Variants in FBXO11 observed in about 807,000 individuals in gnomAD.
FBXO11 encodes the protein F-box protein 11.
FBXO11 carries 13 observed loss-of-function variants against 117.0 expected under a neutral mutation model. The observed-to-expected ratio is 0.11, with a 90% CI of 0.07 to 0.18. The LOEUF (loss-of-function observed/expected upper bound fraction) is 0.18. Ranked by LOEUF, FBXO11 falls within the 10% of genes least tolerant of loss-of-function variation. The pLI, the probability that FBXO11 is intolerant of heterozygous loss-of-function variation, is 1.00. For missense variants in FBXO11, 767 were observed against 1,164.4 expected, an observed-to-expected ratio of 0.66 and a Z score of 4.97; for synonymous variants, 490 against 380.5, an observed-to-expected ratio of 1.29 and a Z score of -3.35.
intron 1 of FBXO11, among the ~76,000 whole-genome samples, chr2:47,877,375 C>G (rs1223809071): frequency 6.6e-6 from 1 of 152,080 alleles, no homozygotes; most frequent in Middle Eastern, 3.2e-3. Flanking sequence ...ATTCCCACTC[C>G]TGCAAAAAAG....
chr2:47,901,044 C>CAT (rs1184225292), intron 1 of FBXO11, among the ~76,000 whole-genome samples: 7 of 128,352 alleles, frequency 5.5e-5, no homozygotes, highest in African/African-American at 1.4e-4. Flanking sequence ...CACGTGTGTA[C>CAT]ATATATACAC....
At chr2:47,845,501 C>A (rs1256912647) in intron 1 of FBXO11, among the ~76,000 whole-genome samples, 2 of 152,128 alleles carry the variant, frequency 1.3e-5, no homozygotes, top group East Asian at 1.9e-4. Flanking sequence ...AAAAAGGGAT[C>A]ATTCTGGGAA....
intron 1 of FBXO11, among the ~76,000 whole-genome samples, chr2:47,892,652 A>C (rs1485578628): frequency 6.6e-6 from 1 of 152,234 alleles, no homozygotes; most frequent in Non-Finnish European, 1.5e-5. Flanking sequence ...TGAGGAAACA[A>C]AATGTTGTTT....
chr2:47,836,823 G>T (rs1198999596), intron 4 of FBXO11, among the ~76,000 whole-genome samples: 1 of 151,942 alleles, frequency 6.6e-6, no homozygotes, highest in Non-Finnish European at 1.5e-5. Flanking sequence ...CACTCCCGTT[G>T]CCCACACTGG....
At chr2:47,865,014 AT>A (rs1675087343) in intron 1 of FBXO11, among the ~76,000 whole-genome samples, 1 of 152,182 alleles carries the variant, frequency 6.6e-6, no homozygotes, top group Non-Finnish European at 1.5e-5. Flanking sequence ...ATAGAGTAAA[AT>A]TTTCTTAAAC....
intron 1 of FBXO11, among the ~76,000 whole-genome samples, chr2:47,844,431 C>T (rs78566785): frequency 0.016 from 2,417 of 152,226 alleles, 69 homozygotes; most frequent in African/African-American, 0.055. Flanking sequence ...AGGCCCAAGG[C>T]CATATATCCT....
intron 11 of FBXO11, among the ~76,000 whole-genome samples, chr2:47,826,145 A>G (rs1310070275): frequency 6.6e-6 from 1 of 151,856 alleles, no homozygotes; most frequent in African/African-American, 2.4e-5. Flanking sequence ...TGCAACCTCC[A>G]TGTCCCGGGT....
chr2:47,836,140 A>G, intron 4 of FBXO11, 139 bp from the exon 5 acceptor site: 2 of 562,368 alleles, frequency 3.6e-6, no homozygotes, highest in South Asian at 2.5e-5. Context: ...ATATTAAATC[A>G]CAGGATTTTT....
chr2:47,898,257 T>C (rs527528706), intron 1 of FBXO11, among the ~76,000 whole-genome samples: 16 of 152,320 alleles, frequency 1.1e-4, no homozygotes, highest in African/African-American at 3.1e-4. Context: ...AAATAAATCA[T>C]GTAAAGGAAG....
Position 47,900,587 on chromosome 2 carries a change from T to TACACAC in FBXO11, c.232+4901_232+4902insGTGTGT, listed in dbSNP as rs1470458291. On this transcript the variant is annotated intron_variant, in intron 1 of 22. Coordinates refer to ENST00000403359, the MANE Select transcript of FBXO11 (RefSeq NM_001190274.2). ...ATATACACACGTATACACACATATA[T>TACACAC]ACGTATATACACACGTATACACACG... Among the ~76,000 whole-genome samples, 43 of 144,440 alleles carry TACACAC rather than the reference T, an allele frequency of 3.0e-4. 6 individuals carry two copies. The highest frequency in any genetic ancestry group is 5.0e-4 in the Non-Finnish European group (33 of 66,164). The allele number at this position is 144,440 out of a possible 152,430, so 94.8% of individuals were successfully genotyped here.
At chr2:47,829,461 G>A (rs1355901462) in intron 11 of FBXO11, among the ~76,000 whole-genome samples, 1 of 152,022 alleles carries the variant, frequency 6.6e-6, no homozygotes, top group Admixed American at 6.6e-5. Context: ...GGCTGTTCTC[G>A]AATTCCTGAC....
intron 4 of FBXO11, among the ~76,000 whole-genome samples, 190 bp downstream of exon 4, chr2:47,838,668 AC>A (rs1672777504): frequency 6.6e-6 from 1 of 152,208 alleles, no homozygotes; most frequent in Admixed American, 6.5e-5. Flanking sequence ...CAGATAAAAG[AC>A]TTCATTTACT....
intron 11 of FBXO11, among the ~76,000 whole-genome samples, chr2:47,826,441 A>G (rs570544067): frequency 3.8e-4 from 58 of 152,022 alleles, no homozygotes; most frequent in Non-Finnish European, 7.9e-4. Context: ...CTTTTAGCTG[A>G]TTCTTTTGAT....
At chr2:47,833,965 GC>G (rs1462835701) in intron 7 of FBXO11, among the ~76,000 whole-genome samples, 4 of 152,106 alleles carry the variant, frequency 2.6e-5, no homozygotes, top group African/African-American at 9.7e-5. Flanking sequence ...ACCACACCTG[GC>G]TGCATCTTTA....
chr2:47,814,213 C>T (rs756126014), intron 16 of FBXO11: 10 of 208,956 alleles, frequency 4.8e-5, no homozygotes, highest in East Asian at 1.1e-4. Context: ...CATAATAAAG[C>T]GAGTATTGCA....
chr2:47,863,340 C>G (rs929519488), intron 1 of FBXO11, among the ~76,000 whole-genome samples: 2 of 152,080 alleles, frequency 1.3e-5, no homozygotes, highest in Non-Finnish European at 2.9e-5. Context: ...TTCAGGCCAA[C>G]AGAGAAACAG....
chr2:47,871,229 C>T (rs956438480), intron 1 of FBXO11, among the ~76,000 whole-genome samples: 4 of 152,186 alleles, frequency 2.6e-5, no homozygotes, highest in Non-Finnish European at 4.4e-5. Context: ...CACCAGAAGA[C>T]GCTTTATGAA....
At position 47,905,912 on chromosome 2, in the gene FBXO11, G is replaced by A; in HGVS notation, c.-192C>T. The A allele has an allele frequency of 1.7e-6, 1 of 601,888 alleles. No individual in the cohort carries two copies. The allele number at this position is 601,888 out of a possible 1,614,324, so 37.3% of individuals were successfully genotyped here. On this transcript the variant is annotated 5_prime_UTR_variant, in exon 1 of 23. Transcript: ENST00000403359. Reference sequence around the variant, plus strand: ...GTCCGGAGAAAGGCCCGGGTAGACAGACGGAGACCGAGCGAGGCCGGCCGG... The same window carrying A: ...GTCCGGAGAAAGGCCCGGGTAGACAAACGGAGACCGAGCGAGGCCGGCCGG...
intron 11 of FBXO11, among the ~76,000 whole-genome samples, chr2:47,825,358 TA>T (rs1671671043): frequency 6.6e-6 from 1 of 152,016 alleles, no homozygotes; most frequent in African/African-American, 2.4e-5. Context: ...TTATACAGAA[TA>T]AAAGTGAATA....
Sources: allele counts gnomAD v4.1 joint callset (sites outside exome capture counted in the v4.1 genomes callset), GRCh38; gene constraint gnomAD v4.1.1; transcripts MANE v1.5; gene names NCBI Gene and HGNC (gene_info 2026-07-23, HGNC 2026-07-21).